AFF3: variants seen among roughly 807,000 people sequenced by gnomAD.
AFF3 encodes ALF transcription elongation factor 3.
AFF3 carries 32 observed loss-of-function variants against 129.7 expected under a neutral mutation model. That is an observed-to-expected ratio of 0.25 (90% CI 0.19 to 0.33). The LOEUF is 0.33. Ranked by LOEUF, AFF3 falls within the 10% of genes least tolerant of loss-of-function variation. The pLI is 1.00. For missense variants in AFF3, 1,373 were observed against 1,592.0 expected (o/e 0.86, Z 2.34); for synonymous variants, 644 against 635.4 (o/e 1.01, Z -0.20).
intron 7 of AFF3, among the ~76,000 whole-genome samples, chr2:99,983,008 T>A (rs2104521371): frequency 6.6e-6 from 1 of 152,318 alleles, no homozygotes; most frequent in Admixed American, 6.5e-5. Flanking sequence ...AAGTACATAA[T>A]CAGGCATACA....
chr2:99,974,073 T>C (rs983677331), intron 7 of AFF3, among the ~76,000 whole-genome samples: 2 of 152,238 alleles, frequency 1.3e-5, no homozygotes, highest in African/African-American at 4.8e-5. Flanking sequence ...ATGTTGAATA[T>C]GTACAAATTA....
intron 8 of AFF3, among the ~76,000 whole-genome samples, chr2:99,774,807 A>G (rs2105344157): frequency 1.3e-5 from 2 of 152,318 alleles, no homozygotes; most frequent in South Asian, 4.1e-4. Flanking sequence ...TAAACAGACA[A>G]CCTACAGAAT....
chr2:99,801,040 G>A (rs1685903652), intron 8 of AFF3, among the ~76,000 whole-genome samples: 1 of 152,136 alleles, frequency 6.6e-6, no homozygotes, highest in Admixed American at 6.5e-5. Flanking sequence ...TCTATAGCAT[G>A]AGTTACTTAC....
At chr2:99,921,732 A>G (rs1695870543) in intron 7 of AFF3, among the ~76,000 whole-genome samples, 1 of 152,172 alleles carries the variant, frequency 6.6e-6, no homozygotes, top group Admixed American at 6.6e-5. Context: ...ACAATTAAAA[A>G]TATCTGTTCA....
intron 7 of AFF3, among the ~76,000 whole-genome samples, chr2:99,872,871 C>G (rs1462263894): frequency 1.3e-5 from 2 of 152,126 alleles, no homozygotes; most frequent in Non-Finnish European, 2.9e-5. Context: ...TTGTCAAACT[C>G]CTGGTGGCAG....
rs765228337 is a variant in AFF3, at chr2:99,565,155, AT to A, written c.3119+331del. Among the ~76,000 whole-genome samples the A allele has an allele frequency of 7.0e-3, 1,010 of 144,368 alleles. 1 individual carries two copies. Among genetic ancestry groups the A allele is most frequent in the African/African-American group, 7.5e-3 (295 of 39,478 alleles). 94.7% of individuals were successfully genotyped at this position (144,368 alleles called of 152,430 possible). A position where few individuals can be genotyped will look rare whatever the true frequency, so the allele number is the denominator to read the frequency against. On this transcript the variant is annotated intron_variant, in intron 20 of 24. Coordinates refer to ENST00000672756, the MANE Select transcript of AFF3 (RefSeq NM_001386135.1). ...TTTAGATGATACTAACCTGAACCAG[AT>A]TTTTTTTTTTTTTTAAAGCAGCCTA...
chr2:99,705,446 T>C (rs1285065753), intron 11 of AFF3, among the ~76,000 whole-genome samples: 1 of 152,048 alleles, frequency 6.6e-6, no homozygotes, highest in African/African-American at 2.4e-5. Flanking sequence ...ATCAGGCATT[T>C]CTTCCTGAAA....
chr2:99,717,615 C>A (rs139644234), intron 11 of AFF3, among the ~76,000 whole-genome samples: 1 of 152,166 alleles, frequency 6.6e-6, no homozygotes, highest in South Asian at 2.1e-4. Context: ...ATTCTAGACA[C>A]AAATTATTTG....
At chr2:100,054,312 C>T (rs1427054677) in intron 4 of AFF3, among the ~76,000 whole-genome samples, 1 of 152,218 alleles carries the variant, frequency 6.6e-6, no homozygotes, top group East Asian at 1.9e-4. Context: ...CACATTTAGT[C>T]AAACATTATT....
chr2:100,078,933 C>T (rs375073190), intron 4 of AFF3, among the ~76,000 whole-genome samples: 2 of 147,828 alleles, frequency 1.4e-5, no homozygotes, highest in East Asian at 3.9e-4. Context: ...GGCTCCTTTG[C>T]TGAATATTTT....
chr2:100,099,629 G>C (rs1690565639), intron 4 of AFF3, among the ~76,000 whole-genome samples: 1 of 152,022 alleles, frequency 6.6e-6, no homozygotes, highest in Non-Finnish European at 1.5e-5. Context: ...CTTTCAACAG[G>C]ATGTGCCCAT....
At chr2:99,816,522 T>C (rs1162187090) in intron 8 of AFF3, among the ~76,000 whole-genome samples, 2 of 152,164 alleles carry the variant, frequency 1.3e-5, no homozygotes, top group African/African-American at 2.4e-5. Context: ...TGTGGAGGTT[T>C]CTGTTAATGT....
At chr2:100,034,490 GC>G (rs1370556577) in intron 4 of AFF3, among the ~76,000 whole-genome samples, 1 of 151,136 alleles carries the variant, frequency 6.6e-6, no homozygotes, top group Non-Finnish European at 1.5e-5. Context: ...AGAAGGACTA[GC>G]TTCTTCCAAC....
intron 7 of AFF3, among the ~76,000 whole-genome samples, chr2:99,838,649 C>T (rs1340196897): frequency 6.6e-6 from 1 of 152,184 alleles, no homozygotes; most frequent in Non-Finnish European, 1.5e-5. Flanking sequence ...CCCTCTAAAA[C>T]ATCAGCTCCC....
intron 11 of AFF3, among the ~76,000 whole-genome samples, chr2:99,691,975 TA>T (rs1675711619): frequency 6.6e-6 from 1 of 152,256 alleles, no homozygotes; most frequent in Non-Finnish European, 1.5e-5. Flanking sequence ...TAGGATGGTC[TA>T]AAGTATGGAA....
chr2:100,127,900 C>T (rs1350320971), intron 2 of AFF3, among the ~76,000 whole-genome samples: 3 of 152,142 alleles, frequency 2.0e-5, no homozygotes, highest in Admixed American at 1.3e-4. Flanking sequence ...CATTCTAATT[C>T]ACAGGATGAG....
At chr2:99,648,915 A>ACTCTCTCTCTCTCTCTCTCTCTCTCT (rs1275377590) in intron 13 of AFF3, among the ~76,000 whole-genome samples, 2 of 35,584 alleles carry the variant, frequency 5.6e-5, no homozygotes, top group African/African-American at 1.4e-4. Context: ...ACACACACAC[A>ACTCTCTCTCTCTCTCTCTCTCTCTCT]CACTCTCTCT....
intron 8 of AFF3, among the ~76,000 whole-genome samples, chr2:99,754,715 A>C (rs1045872601): frequency 6.6e-6 from 1 of 152,226 alleles, no homozygotes; most frequent in African/African-American, 2.4e-5. Flanking sequence ...CAAGAGTGGA[A>C]TAGCAGACAA....
chr2:99,674,518 C>T (rs989472242), intron 11 of AFF3, among the ~76,000 whole-genome samples: 5 of 152,172 alleles, frequency 3.3e-5, no homozygotes, highest in Non-Finnish European at 4.4e-5. Flanking sequence ...TCCTTGCCTC[C>T]ACTCCCATGC....
Sources: allele counts gnomAD v4.1 joint callset (sites outside exome capture counted in the v4.1 genomes callset), GRCh38; gene constraint gnomAD v4.1.1; transcripts MANE v1.5; gene names NCBI Gene and HGNC (gene_info 2026-07-23, HGNC 2026-07-21).